Variants in SCN10A observed in about 807,000 individuals in gnomAD.
SCN10A encodes the protein sodium channel protein type 10 subunit alpha.
Under a neutral mutation model 170.7 loss-of-function variants are expected in SCN10A, and 162 were observed. The ratio of observed to expected loss-of-function variants is 0.95; its 90% CI spans 0.84 to 1.08. The LOEUF (loss-of-function observed/expected upper bound fraction) is 1.08, where lower values mean the gene tolerates loss of function less well. Among genes scored for constraint, SCN10A ranks in the 50% least tolerant of loss-of-function variants. SCN10A has a pLI of 0.00. For synonymous variants in SCN10A, 985 were observed against 904.6 expected (o/e 1.09, Z -1.59); for missense variants, 2,527 against 2,436.9 (o/e 1.04, Z -0.78).
At position 38,718,772 on chromosome 3, in the gene SCN10A, A is replaced by G; in HGVS notation, c.3562T>C (p.Tyr1188His). ...QKPTVKALLE[Y>H]TDRVFTFIFV... ...ATAAAGGTGAAGACCCTGTCAGTGTACTCCAGCAAAGCTTTCACCGTGGGC... is the reference window on the plus strand; with the variant it reads ...ATAAAGGTGAAGACCCTGTCAGTGTGCTCCAGCAAAGCTTTCACCGTGGGC... The change falls in exon 21 of 28, where the codon TAC (tyrosine) becomes CAC (histidine). Residue 1188 changes from tyrosine to histidine, a missense_variant. Transcript: ENST00000449082. The G allele has an allele frequency of 1.2e-6, 2 of 1,614,206 alleles. No individual in the cohort carries two copies. The highest frequency in any genetic ancestry group is 3.3e-5 in the Admixed American group (2 of 60,026).
intron 15 of SCN10A, among the ~76,000 whole-genome samples, chr3:38,736,359 C>T (rs1343859784): frequency 1.1e-5 from 1 of 91,440 alleles, no homozygotes; most frequent in Non-Finnish European, 2.4e-5. Flanking sequence ...AATAGGGAAA[C>T]TCTGTGTGTG....
intron 1 of SCN10A, among the ~76,000 whole-genome samples, chr3:38,814,699 G>C (rs1257594830): frequency 6.6e-6 from 1 of 152,086 alleles, no homozygotes; most frequent in East Asian, 1.9e-4. Context: ...CAATTTATAT[G>C]CTCATTTATT....
At chr3:38,774,572 C>T (rs1305502498) in intron 4 of SCN10A, among the ~76,000 whole-genome samples, 2 of 152,108 alleles carry the variant, frequency 1.3e-5, no homozygotes, top group Non-Finnish European at 2.9e-5. Flanking sequence ...AGTTCTCAGC[C>T]GTTGAGCCAC....
intron 13 of SCN10A, among the ~76,000 whole-genome samples, chr3:38,748,050 A>G (rs572831835): frequency 1.3e-5 from 2 of 152,284 alleles, no homozygotes; most frequent in African/African-American, 4.8e-5. Context: ...GCTTGTTGAT[A>G]AGAGAATAAA....
At chr3:38,723,011 GA>G (rs1369931338) in intron 19 of SCN10A, among the ~76,000 whole-genome samples, 1 of 152,170 alleles carries the variant, frequency 6.6e-6, no homozygotes, top group African/African-American at 2.4e-5. Context: ...AGATGACTAA[GA>G]CACAGGTTCT....
chr3:38,776,287 C>A (rs2064073468), intron 4 of SCN10A, among the ~76,000 whole-genome samples: 1 of 151,966 alleles, frequency 6.6e-6, no homozygotes, highest in Admixed American at 6.6e-5. Context: ...ACAATGGAGG[C>A]CATTCATTAC....
Position 38,701,983 on chromosome 3 carries a change from T to C in SCN10A, c.4513A>G (p.Thr1505Ala). 6.2e-7 allele frequency: 1 copy of C among 1,614,206 alleles called. No individual in the cohort carries two copies. Among genetic ancestry groups the C allele is most frequent in the Non-Finnish European group, 8.5e-7 (1 of 1,180,018 alleles). ...TGGTTGATTTTGCCCAGAATTTTCG[T>C]CTTTTCTTCACTTTGGTCATCAGTC... ...VETDDQSEEK[T>A]KILGKINQFF... The change falls in exon 27 of 28, where the codon ACG becomes GCG. Residue 1505 changes from threonine to alanine, a missense_variant. By Grantham distance (58) the Thr-to-Ala change is moderately conservative. Coordinates refer to ENST00000449082, the MANE Select transcript of SCN10A (RefSeq NM_006514.4).
At chr3:38,743,183 A>C (rs1323411831) in intron 13 of SCN10A, among the ~76,000 whole-genome samples, 1 of 152,210 alleles carries the variant, frequency 6.6e-6, no homozygotes, top group African/African-American at 2.4e-5. Context: ...CTCAGAATAT[A>C]GACTAGTTCA....
chr3:38,802,884 T>G (rs1226810300), intron 1 of SCN10A, among the ~76,000 whole-genome samples: 1 of 151,998 alleles, frequency 6.6e-6, no homozygotes, highest in Non-Finnish European at 1.5e-5. Flanking sequence ...GGGAGAAAAT[T>G]TTTGCAATCT....
Position 38,707,419 on chromosome 3 carries a change from G to A in SCN10A, c.4282-36C>T, listed in dbSNP as rs370311310. 8 of 1,608,084 alleles carry A rather than the reference G, an allele frequency of 5.0e-6. No homozygotes were observed. The Admixed American group carries it at 1.0e-4, about 20-fold the overall frequency. On this transcript the variant is annotated intron_variant, in intron 25 of 27. Transcript: ENST00000449082. The stretch of plus-strand genomic sequence containing the variant: ...GGCCACACTGTTACTAAAGCAAGAG[G>A]AACCCCCTACGGATACCAAAATCAG...
intron 3 of SCN10A, among the ~76,000 whole-genome samples, chr3:38,791,743 G>A (rs2064283473): frequency 2.0e-5 from 3 of 152,132 alleles, no homozygotes; most frequent in Admixed American, 2.0e-4. Flanking sequence ...TGTGTCTGGG[G>A]GCATCAGCAA....
At chr3:38,812,346 C>T (rs11927080) in intron 1 of SCN10A, among the ~76,000 whole-genome samples, 3,268 of 152,180 alleles carry the variant, frequency 0.021, 102 homozygotes, top group African/African-American at 0.073. Flanking sequence ...AGGTCATAGC[C>T]TATTGGAGAC....
At chr3:38,795,336 T>C (rs2064332827) in intron 1 of SCN10A, among the ~76,000 whole-genome samples, 1 of 129,630 alleles carries the variant, frequency 7.7e-6, no homozygotes. Context: ...TGTTTTTTTC[T>C]TTTTCTTTTT....
At chr3:38,815,011 G>A (rs139162459) in intron 1 of SCN10A, among the ~76,000 whole-genome samples, 10 of 152,258 alleles carry the variant, frequency 6.6e-5, no homozygotes, top group Admixed American at 6.5e-4. Flanking sequence ...CATAGCAAGT[G>A]TTTTCTCTTT....
At chr3:38,726,536 T>A in intron 17 of SCN10A, 70 bp downstream of exon 17, 1 of 1,263,282 alleles carries the variant, frequency 7.9e-7, no homozygotes, top group Non-Finnish European at 1.1e-6. Context: ...ATTTCCCTTT[T>A]GCCCTTTGTC....
Position 38,750,067 on chromosome 3 carries a change from A to C in SCN10A, c.1867+6T>G, listed in dbSNP as rs777546671. 4 of 1,530,252 alleles carry C rather than the reference A, an allele frequency of 2.6e-6. No homozygotes were observed. Among genetic ancestry groups the C allele is most frequent in the Non-Finnish European group, 3.6e-6 (4 of 1,104,094 alleles). 94.8% of individuals were successfully genotyped at this position (1,530,252 alleles called of 1,614,324 possible). A position where few individuals can be genotyped will look rare whatever the true frequency, so the allele number is the denominator to read the frequency against. ...GTGGATGAACAATGCAGTGAGCAGCACTTACCCTCAAGGACGGAGGTTATG... is the reference window on the plus strand; with the variant it reads ...GTGGATGAACAATGCAGTGAGCAGCCCTTACCCTCAAGGACGGAGGTTATG... On this transcript the variant is annotated splice_donor_region_variant and intron_variant, in intron 13 of 27. Coordinates refer to ENST00000449082, the MANE Select transcript of SCN10A (RefSeq NM_006514.4).
intron 1 of SCN10A, among the ~76,000 whole-genome samples, chr3:38,809,728 C>G (rs527682660): frequency 1.4e-4 from 21 of 152,228 alleles, no homozygotes; most frequent in African/African-American, 5.1e-4. Flanking sequence ...TGAGGCCCTT[C>G]TATCTTGACA....
intron 15 of SCN10A, among the ~76,000 whole-genome samples, chr3:38,731,492 G>GA (rs1246543228): frequency 2.6e-5 from 4 of 152,188 alleles, no homozygotes; most frequent in African/African-American, 9.6e-5. Flanking sequence ...CTGAAAATCT[G>GA]AAACTCAAAC....
chr3:38,755,820 G>T lies in SCN10A; in HGVS notation c.1429C>A (p.Pro477Thr). Residue 477 changes from proline to threonine, a missense_variant, in exon 11 of 28, where the codon CCC (proline) becomes ACC (threonine). Physicochemically the swap from Pro to Thr is conservative, Grantham distance 38 (BLOSUM62 -1). Transcript: ENST00000449082. The part of the protein sequence containing the change: ...SEGSTEDNKS[P>T]RSDPYNQRRM... Reference sequence around the variant, plus strand: ...CGCTGGTTGTAAGGATCAGAGCGGGGTGATTTGTTGTCTTCTGTGGAGCCC... The same window carrying T: ...CGCTGGTTGTAAGGATCAGAGCGGGTTGATTTGTTGTCTTCTGTGGAGCCC... 2 of 1,614,024 alleles carry T rather than the reference G, an allele frequency of 1.2e-6. No individual in the cohort carries two copies. Among genetic ancestry groups the T allele is most frequent in the Non-Finnish European group, 1.7e-6 (2 of 1,180,024 alleles).
Sources: allele counts gnomAD v4.1 joint callset (sites outside exome capture counted in the v4.1 genomes callset), GRCh38; gene constraint gnomAD v4.1.1; transcripts MANE v1.5; gene names NCBI Gene and HGNC (gene_info 2026-07-23, HGNC 2026-07-21).